The following RORA variants were observed in gnomAD, a reference collection of about 807,000 sequenced individuals.
RORA encodes the protein nuclear receptor ROR-alpha.
RORA carries 7 observed loss-of-function variants against 69.5 expected under a neutral mutation model. The ratio of observed to expected loss-of-function variants is 0.10; its 90% CI spans 0.06 to 0.19. The LOEUF (loss-of-function observed/expected upper bound fraction) is 0.19, where lower values mean the gene tolerates loss of function less well. RORA is among the 10% of genes least tolerant of loss of function. The pLI, the probability that RORA is intolerant of heterozygous loss-of-function variation, is 1.00. For synonymous variants in RORA, 261 were observed against 240.8 expected (o/e 1.08, Z -0.78); for missense variants, 457 against 663.0 (o/e 0.69, Z 3.41).
At position 60,867,541 on chromosome 15, in the gene RORA, A is replaced by G. The variant is rs546956503; in HGVS notation, c.167-188855T>C. The stretch of plus-strand genomic sequence containing the variant: ...GAGAATCTTTCCTCTTAGGGTATAC[A>G]GATGGGAGTTCATAGGCTATATATT... On this transcript the variant is annotated intron_variant, in intron 1 of 10. Coordinates refer to ENST00000335670, the MANE Select transcript of RORA (RefSeq NM_134261.3). Among the ~76,000 whole-genome samples the G allele has an allele frequency of 2.6e-5, 4 of 152,348 alleles. No homozygotes were observed. In the East Asian group the frequency reaches 7.7e-4, roughly 29 times the overall value.
At chr15:60,673,386 A>G (rs905479929) in intron 2 of RORA, among the ~76,000 whole-genome samples, 2 of 152,240 alleles carry the variant, frequency 1.3e-5, no homozygotes, top group Non-Finnish European at 2.9e-5. Flanking sequence ...GCTTGGCTGT[A>G]GCTGAGCAGG....
intron 1 of RORA, among the ~76,000 whole-genome samples, chr15:60,732,219 A>G (rs1369343160): frequency 6.6e-6 from 1 of 152,242 alleles, no homozygotes; most frequent in African/African-American, 2.4e-5. Context: ...TAAAAATACT[A>G]TGTAACATTT....
chr15:60,778,547 G>A, intron 1 of RORA, among the ~76,000 whole-genome samples: 1 of 152,076 alleles, frequency 6.6e-6, no homozygotes, highest in East Asian at 1.9e-4. Context: ...AGTATATTGA[G>A]TATTCTTTAA....
chr15:60,842,233 C>T (rs1302530260), intron 1 of RORA, among the ~76,000 whole-genome samples: 1 of 152,112 alleles, frequency 6.6e-6, no homozygotes, highest in Non-Finnish European at 1.5e-5. Context: ...TCTCCCCAAA[C>T]TGATGACAGG....
At chr15:61,027,230 G>A (rs543284780) in intron 1 of RORA, among the ~76,000 whole-genome samples, 2 of 152,306 alleles carry the variant, frequency 1.3e-5, no homozygotes, top group South Asian at 2.1e-4. Context: ...ACTATTTAAG[G>A]TGCGAATGCA....
At chr15:60,668,604 G>A (rs969324672) in intron 2 of RORA, among the ~76,000 whole-genome samples, 3 of 152,158 alleles carry the variant, frequency 2.0e-5, no homozygotes, top group Non-Finnish European at 2.9e-5. Context: ...GTTCTCTAGA[G>A]GCACTGGTGT....
intron 1 of RORA, among the ~76,000 whole-genome samples, chr15:60,972,131 A>C (rs1259712309): frequency 6.6e-6 from 1 of 152,232 alleles, no homozygotes; most frequent in East Asian, 1.9e-4. Context: ...TTTGTAAGCC[A>C]TTGGAGTAGT....
At chr15:60,640,710 G>A (rs1418069563) in intron 2 of RORA, among the ~76,000 whole-genome samples, 1 of 151,720 alleles carries the variant, frequency 6.6e-6, no homozygotes. Context: ...TTAATTTGCT[G>A]TTTCCATGGC....
chr15:61,182,067 A>G (rs1173098475), intron 1 of RORA, among the ~76,000 whole-genome samples: 1 of 152,202 alleles, frequency 6.6e-6, no homozygotes, highest in African/African-American at 2.4e-5. Flanking sequence ...CTCCAAGGTC[A>G]TATAACACCC....
rs1270373233 is a variant in RORA at position 60,534,947 on chromosome 15, T to A, written c.197-3096A>T. Reference sequence around the variant, plus strand: ...AAAAATGCAGTCAATGCCTTGCAAATTTTTCAAAAGGAGGCAGTTTAGTTT... The same window carrying A: ...AAAAATGCAGTCAATGCCTTGCAAAATTTTCAAAAGGAGGCAGTTTAGTTT... On this transcript the variant is annotated intron_variant, in intron 2 of 10. Transcript: ENST00000335670. The surrounding 1 kb of genome is among the most constrained non-coding windows in gnomAD (Gnocchi z 5.0). Among the ~76,000 whole-genome samples, 1 of 152,104 alleles carries A rather than the reference T, an allele frequency of 6.6e-6. No individual in the cohort carries two copies. Among genetic ancestry groups the A allele is most frequent in the African/African-American group, 2.4e-5 (1 of 41,408 alleles).
chr15:60,946,273 CGGTCTCCCTCTCCCTCTCTTTCCAG>C (rs1892869335), intron 1 of RORA, among the ~76,000 whole-genome samples: 2 of 152,020 alleles, frequency 1.3e-5, no homozygotes, highest in South Asian at 4.1e-4. Flanking sequence ...CTTCTCCCCA[CGGTCTCCCTCTCCCTCTCTTTCCAG>C]GGTCTCCCTC....
At chr15:60,589,085 C>G (rs2068421463) in intron 2 of RORA, among the ~76,000 whole-genome samples, 1 of 152,166 alleles carries the variant, frequency 6.6e-6, no homozygotes, top group Non-Finnish European at 1.5e-5. Flanking sequence ...CAAGATCCAG[C>G]CATCACCTTC....
At chr15:60,709,324 A>G (rs1216717913) in intron 1 of RORA, among the ~76,000 whole-genome samples, 1 of 152,162 alleles carries the variant, frequency 6.6e-6, no homozygotes, top group Non-Finnish European at 1.5e-5. Flanking sequence ...AACCATTAGC[A>G]TTACTCTCAT....
chr15:60,885,788 C>T (rs1358084889), intron 1 of RORA, among the ~76,000 whole-genome samples: 1 of 152,256 alleles, frequency 6.6e-6, no homozygotes, highest in Non-Finnish European at 1.5e-5. Context: ...CTACTAACTT[C>T]TTTGAGCCTC....
At chr15:61,075,100 A>G (rs1368925420) in intron 1 of RORA, among the ~76,000 whole-genome samples, 1 of 152,006 alleles carries the variant, frequency 6.6e-6, no homozygotes, top group Non-Finnish European at 1.5e-5. Context: ...AAAAAAAAAA[A>G]AAGTTTCCAG....
At chr15:60,964,621 T>A (rs934291440) in intron 1 of RORA, among the ~76,000 whole-genome samples, 1 of 151,916 alleles carries the variant, frequency 6.6e-6, no homozygotes, top group East Asian at 1.9e-4. Flanking sequence ...TGCTGCCTTG[T>A]GGCAAATGCA....
At chr15:60,990,094 G>T (rs1894326903) in intron 1 of RORA, among the ~76,000 whole-genome samples, 1 of 152,168 alleles carries the variant, frequency 6.6e-6, no homozygotes, top group African/African-American at 2.4e-5. Context: ...GCTGAGATCT[G>T]AGCTTTTTGT....
intron 1 of RORA, among the ~76,000 whole-genome samples, chr15:61,185,004 A>AAAT (rs1567027585): frequency 6.8e-6 from 1 of 147,442 alleles, no homozygotes; most frequent in Non-Finnish European, 1.5e-5. Context: ...AAAAAAAAAA[A>AAAT]GAAGAAGAAG....
intron 1 of RORA, among the ~76,000 whole-genome samples, chr15:60,962,069 G>A (rs1007536689): frequency 5.3e-5 from 8 of 152,212 alleles, no homozygotes; most frequent in Admixed American, 1.3e-4. Context: ...ACCACGAGGC[G>A]AGAGAGTGAG....
Sources: allele counts gnomAD v4.1 joint callset (sites outside exome capture counted in the v4.1 genomes callset), GRCh38; gene constraint gnomAD v4.1.1; non-coding constraint Gnocchi (gnomAD v3.1); transcripts MANE v1.5; gene names NCBI Gene and HGNC (gene_info 2026-07-23, HGNC 2026-07-21).